Variants in NARS2 observed in about 807,000 individuals in gnomAD.
The protein encoded by NARS2 is asparaginyl-tRNA synthetase.
Under a neutral mutation model 62.9 loss-of-function variants are expected in NARS2, and 60 were observed. The ratio of observed to expected loss-of-function variants is 0.95; its 90% CI spans 0.77 to 1.18. The LOEUF (loss-of-function observed/expected upper bound fraction) is 1.18. Among genes scored for constraint, NARS2 ranks in the 50% most tolerant of loss-of-function variants. NARS2 has a pLI of 0.00. For missense variants in NARS2, 619 were observed against 576.4 expected, an observed-to-expected ratio of 1.07 and a Z score of -0.76; for synonymous variants, 196 against 200.0, an observed-to-expected ratio of 0.98 and a Z score of 0.17.
intron 10 of NARS2, among the ~76,000 whole-genome samples, chr11:78,467,358 A>G (rs1858663348): frequency 6.6e-6 from 1 of 151,952 alleles, no homozygotes. Context: ...CCTAGGCAAC[A>G]TAACCCTGTC....
intron 11 of NARS2, among the ~76,000 whole-genome samples, chr11:78,449,637 C>A (rs1857894040): frequency 6.6e-6 from 1 of 152,078 alleles, no homozygotes; most frequent in Admixed American, 6.6e-5. Context: ...CAAACAACCC[C>A]AGAAGCTTAC....
At chr11:78,459,333 C>T (rs1858300484) in intron 11 of NARS2, among the ~76,000 whole-genome samples, 1 of 150,790 alleles carries the variant, frequency 6.6e-6, no homozygotes, top group African/African-American at 2.5e-5. Context: ...TACAATGATG[C>T]AATCTCGGCT....
chr11:78,566,276 C>A lies in NARS2; in HGVS notation c.373-4G>T. ...CTTTATATTTGATGGGGAAATCCTGCCAATAAATGAAAAGAACAAATTAGA... is the reference window on the plus strand; with the variant it reads ...CTTTATATTTGATGGGGAAATCCTGACAATAAATGAAAAGAACAAATTAGA... On this transcript the variant is annotated splice_polypyrimidine_tract_variant and splice_region_variant and intron_variant, in intron 3 of 13. Coordinates refer to ENST00000281038, the MANE Select transcript of NARS2 (RefSeq NM_024678.6). 6.4e-7 allele frequency: 1 copy of A among 1,568,454 alleles called. No individual in the cohort carries two copies. Among genetic ancestry groups the A allele is most frequent in the Non-Finnish European group, 8.6e-7 (1 of 1,156,282 alleles).
In NARS2 at chr11:78,559,520, G is replaced by A. The variant is rs760117247; in HGVS notation, c.594+19C>T. ...TATTAAACAGCAATGTACCCCTCAA[G>A]ATGGGAAGCAAAACTTACTTCAAGT... On this transcript the variant is annotated intron_variant, in intron 5 of 13. Transcript: ENST00000281038. The A allele has an allele frequency of 9.7e-6, 15 of 1,539,656 alleles. No individual in the cohort carries two copies. The African/African-American group carries it at 1.8e-4, about 18-fold the overall frequency.
chr11:78,534,742 AG>A (rs1369967229), intron 5 of NARS2, among the ~76,000 whole-genome samples: 1 of 152,180 alleles, frequency 6.6e-6, no homozygotes, highest in Non-Finnish European at 1.5e-5. Context: ...ACCTGGGAAT[AG>A]CAGTTACTCA....
At chr11:78,510,931 T>C (rs1476389795) in intron 6 of NARS2, among the ~76,000 whole-genome samples, 2 of 152,196 alleles carry the variant, frequency 1.3e-5, no homozygotes, top group Non-Finnish European at 2.9e-5. Context: ...ATTTCATTTA[T>C]ATAAGATTCT....
intron 6 of NARS2, among the ~76,000 whole-genome samples, chr11:78,500,040 A>G (rs1201186408): frequency 2.0e-5 from 3 of 152,190 alleles, no homozygotes; most frequent in African/African-American, 7.2e-5. Context: ...CATGTACTAC[A>G]TAGTGTTTAA....
intron 4 of NARS2, among the ~76,000 whole-genome samples, chr11:78,562,818 A>C (rs59855650): frequency 0.015 from 2,355 of 152,316 alleles, 60 homozygotes; most frequent in African/African-American, 0.054. Context: ...TTAGATCCTT[A>C]AAGTGTCTTA....
At chr11:78,488,251 A>C (rs1414353579) in intron 7 of NARS2, among the ~76,000 whole-genome samples, 4 of 145,320 alleles carry the variant, frequency 2.8e-5, no homozygotes, top group East Asian at 2.0e-4. Context: ...AAAAAAAAAA[A>C]AACTGTGTAT....
chr11:78,523,155 C>T (rs955739606), intron 6 of NARS2, among the ~76,000 whole-genome samples: 14 of 152,048 alleles, frequency 9.2e-5, no homozygotes, highest in Non-Finnish European at 1.9e-4. Flanking sequence ...AAAATACATA[C>T]AAATGGCCAA....
At chr11:78,538,951 C>T (rs1015015809) in intron 5 of NARS2, among the ~76,000 whole-genome samples, 15 of 122,046 alleles carry the variant, frequency 1.2e-4, no homozygotes, top group Admixed American at 1.1e-3. Context: ...GCCGAGATCG[C>T]GCCACTGCAC....
intron 9 of NARS2, 40 bp downstream of exon 9, chr11:78,478,398 T>A: frequency 2.3e-6 from 2 of 886,038 alleles, no homozygotes; most frequent in Non-Finnish European, 1.6e-6. Flanking sequence ...ATAAATACAG[T>A]GATAATGAAT....
chr11:78,451,630 A>G (rs1368752341), intron 11 of NARS2, among the ~76,000 whole-genome samples: 2 of 152,232 alleles, frequency 1.3e-5, no homozygotes. Context: ...GACAGGAGGA[A>G]TTAACTTTGA....
intron 3 of NARS2, among the ~76,000 whole-genome samples, chr11:78,568,023 A>T (rs1856800847): frequency 6.6e-6 from 1 of 152,234 alleles, no homozygotes; most frequent in Non-Finnish European, 1.5e-5. Context: ...CTAACAGAAG[A>T]GTCTTGCAAA....
At chr11:78,454,216 C>T (rs566936494) in intron 11 of NARS2, among the ~76,000 whole-genome samples, 4 of 152,226 alleles carry the variant, frequency 2.6e-5, no homozygotes, top group Admixed American at 2.0e-4. Context: ...TCTTCCTTAT[C>T]TTTTCTTTCT....
chr11:78,534,951 T>A (rs934726289), intron 5 of NARS2, among the ~76,000 whole-genome samples: 5 of 152,218 alleles, frequency 3.3e-5, no homozygotes, highest in African/African-American at 1.2e-4. Context: ...TAACCAAACG[T>A]TAAAACATAG....
rs1310499438 is a variant in NARS2, at chr11:78,538,561, C to T, written c.595-9625G>A. On this transcript the variant is annotated intron_variant, in intron 5 of 13. Coordinates refer to ENST00000281038, the MANE Select transcript of NARS2 (RefSeq NM_024678.6). ...GACCTGAAAGATAAGAATGTATCTG[C>T]TATACTATAAACTGGGAAAAATACT... Among the ~76,000 whole-genome samples the T allele has an allele frequency of 2.0e-5, 3 of 152,170 alleles. No homozygotes were observed. In the East Asian group the frequency reaches 5.8e-4, roughly 29 times the overall value.
intron 5 of NARS2, among the ~76,000 whole-genome samples, chr11:78,530,677 T>C (rs1227309266): frequency 6.6e-6 from 1 of 152,190 alleles, no homozygotes; most frequent in Non-Finnish European, 1.5e-5. Context: ...TTCACCATGT[T>C]GGCCAGGATG....
At chr11:78,536,713 T>A (rs904031972) in intron 5 of NARS2, among the ~76,000 whole-genome samples, 1 of 152,146 alleles carries the variant, frequency 6.6e-6, no homozygotes, top group Non-Finnish European at 1.5e-5. Context: ...TATTAATAAT[T>A]AATCTATTAC....
Sources: allele counts gnomAD v4.1 joint callset (sites outside exome capture counted in the v4.1 genomes callset), GRCh38; gene constraint gnomAD v4.1.1; transcripts MANE v1.5; gene names NCBI Gene and HGNC (gene_info 2026-07-23, HGNC 2026-07-21).